Variants in RNF123 observed in about 807,000 individuals in gnomAD.
RNF123 encodes the protein E3 ubiquitin-protein ligase RNF123.
A neutral mutation model predicts 168.5 loss-of-function variants in RNF123; 86 were observed. The ratio of observed to expected loss-of-function variants is 0.51; its 90% CI spans 0.43 to 0.61. The LOEUF is 0.61. RNF123 is among the 20% of genes least tolerant of loss of function. The pLI is 0.00. For missense variants in RNF123, 1,419 were observed against 1,729.7 expected (o/e 0.82, Z 3.19); for synonymous variants, 666 against 689.1 (o/e 0.97, Z 0.52).
At chr3:49,712,699 C>CACACTAGAGACCCCTT in intron 27 of RNF123, 43 bp downstream of exon 27, 1 of 1,606,918 alleles carries the variant, frequency 6.2e-7, no homozygotes, top group Non-Finnish European at 8.5e-7. Context: ...GAAAAGGGGT[C>CACACTAGAGACCCCTT]TCTAGTGTGA....
intron 26 of RNF123, 94 bp from the exon 27 acceptor site, chr3:49,712,385 G>C: frequency 8.2e-7 from 1 of 1,221,088 alleles, no homozygotes; most frequent in East Asian, 2.4e-5. Flanking sequence ...TGCTGTCGTA[G>C]GCCTGGGGAG....
At chr3:49,716,695 G>A (rs1285497156) in intron 35 of RNF123, 4 of 513,374 alleles carry the variant, frequency 7.8e-6, no homozygotes, top group Non-Finnish European at 1.4e-5. Flanking sequence ...AGGACAGGTG[G>A]CCCTGGCCCA....
rs1404285186 is a variant in RNF123 at position 49,721,411 on chromosome 3, C to A, written c.*106C>A. 7.0e-7 allele frequency: 1 copy of A among 1,423,200 alleles called. No homozygotes were observed. The highest frequency in any genetic ancestry group is 2.3e-5 in the East Asian group (1 of 44,020). 88.2% of individuals were successfully genotyped at this position (1,423,200 alleles called of 1,614,324 possible). A position where few individuals can be genotyped will look rare whatever the true frequency, so the allele number is the denominator to read the frequency against. On this transcript the variant is annotated 3_prime_UTR_variant, in exon 39 of 39. Transcript: ENST00000327697. ...CCTTCTCCTGTATCCCACACCACCA[C>A]ATCCAACCTCCTTGCCTGCCTGTAT...
chr3:49,700,571 G>T lies in RNF123; in HGVS notation c.1203+7G>T. Reference sequence around the variant, plus strand: ...CCCAGACCTGGGCCTACAGGTGGGAGCCCCTACCCCTGCCCTGAGCCCCCT... The same window carrying T: ...CCCAGACCTGGGCCTACAGGTGGGATCCCCTACCCCTGCCCTGAGCCCCCT... On this transcript the variant is annotated splice_region_variant and intron_variant, in intron 14 of 38. Coordinates refer to ENST00000327697, the MANE Select transcript of RNF123 (RefSeq NM_022064.5). 1 of 1,614,174 alleles carries T rather than the reference G, an allele frequency of 6.2e-7. No individual in the cohort carries two copies.
Position 49,705,432 on chromosome 3 carries a change from T to G in RNF123, c.2159-102T>G, listed in dbSNP as rs1575530103. On this transcript the variant is annotated intron_variant, in intron 23 of 38. Transcript: ENST00000327697. The stretch of plus-strand genomic sequence containing the variant: ...CATGGGCTCCCCGCGGGTCCCTCCT[T>G]GGGCACAGGAATGGGAGAGATGATT... 2.7e-6 allele frequency: 4 copies of G among 1,492,680 alleles called. No individual in the cohort carries two copies. The East Asian group carries it at 6.9e-5, about 26-fold the overall frequency. The allele number at this position is 1,492,680 out of a possible 1,614,324, so 92.5% of individuals were successfully genotyped here.
At chr3:49,705,899 G>A in intron 24 of RNF123, 83 bp from the exon 25 acceptor site, 3 of 1,515,252 alleles carry the variant, frequency 2.0e-6, no homozygotes, top group African/African-American at 2.7e-5. Flanking sequence ...GACCTTGGCA[G>A]GGCTGGGGTC....
At chr3:49,716,509 AG>A in intron 35 of RNF123, 32 bp downstream of exon 35, 1 of 1,591,796 alleles carries the variant, frequency 6.3e-7, no homozygotes, top group South Asian at 1.1e-5. Context: ...CCCCTGTGGG[AG>A]TTGGGTGTGT....
chr3:49,694,875 C>T (rs1391735542), intron 3 of RNF123, among the ~76,000 whole-genome samples: 1 of 152,006 alleles, frequency 6.6e-6, no homozygotes, highest in South Asian at 2.1e-4. Context: ...CTGCTGTGGC[C>T]GCCAGGAGAG....
intron 21 of RNF123, among the ~76,000 whole-genome samples, chr3:49,703,840 C>G (rs2054458577): frequency 6.6e-6 from 1 of 152,198 alleles, no homozygotes; most frequent in Admixed American, 6.5e-5. Flanking sequence ...CGGTGCAGGG[C>G]TGAGGGCACA....
At position 49,704,769 on chromosome 3, in the gene RNF123, G is replaced by A. The variant is rs772391045; in HGVS notation, c.1959+13G>A. The stretch of plus-strand genomic sequence containing the variant: ...AGCTATGGCCCAGGTGCCGCAGTGG[G>A]GGCAGGCGGTGGGATTTGTGTTGGG... On this transcript the variant is annotated intron_variant, in intron 22 of 38. Coordinates refer to ENST00000327697, the MANE Select transcript of RNF123 (RefSeq NM_022064.5). 2 of 1,561,352 alleles carry A rather than the reference G, an allele frequency of 1.3e-6. No homozygotes were observed. Among genetic ancestry groups the A allele is most frequent in the South Asian group, 2.3e-5 (2 of 85,328 alleles).
At position 49,702,639 on chromosome 3, in the gene RNF123, C is replaced by T. The variant is rs752457227; in HGVS notation, c.1636C>T (p.Pro546Ser). Residue 546 changes from proline to serine, a missense_variant, in exon 20 of 39, where the codon CCC (proline) becomes TCC (serine). Pro to Ser is a moderately conservative substitution (Grantham distance 74, BLOSUM62 -1). Transcript: ENST00000327697. ...QENASGRGNM[P>S]MLCPPEYMVC... ...TCATGCCTGGTGTCCACAGAACATG[C>T]CCATGCTCTGCCCCCCTGAGTACAT... 134 of 1,614,226 alleles carry T rather than the reference C, an allele frequency of 8.3e-5. 2 individuals carry two copies. In the Middle Eastern group the frequency reaches 5.1e-3, roughly 62 times the overall value.
chr3:49,709,706 T>C (rs913558711), intron 26 of RNF123, among the ~76,000 whole-genome samples: 4 of 151,816 alleles, frequency 2.6e-5, no homozygotes, highest in Admixed American at 2.6e-4. Flanking sequence ...CCCAAAGTGC[T>C]GGGGTTACAG....
intron 3 of RNF123, among the ~76,000 whole-genome samples, chr3:49,692,990 C>T (rs1298621566): frequency 6.6e-6 from 1 of 151,146 alleles, no homozygotes; most frequent in Non-Finnish European, 1.5e-5. Context: ...GGTATATACC[C>T]AGCAGTGGGG....
At chr3:49,712,719 G>A in intron 27 of RNF123, 63 bp downstream of exon 27, 2 of 1,573,156 alleles carry the variant, frequency 1.3e-6, no homozygotes, top group South Asian at 1.1e-5. Context: ...AGCCCTAGGA[G>A]CCCTGGTCTG....
chr3:49,718,642 G>A (rs981059388), intron 35 of RNF123: 1 of 1,612,998 alleles, frequency 6.2e-7, no homozygotes, highest in East Asian at 2.2e-5. Context: ...AGCTGGGGCC[G>A]ACGAGCAGTT....
At chr3:49,719,516 C>G (rs2080340161) in intron 35 of RNF123, 10 of 1,436,816 alleles carry the variant, frequency 7.0e-6, no homozygotes, top group Non-Finnish European at 9.6e-6. Context: ...GGTTGCAGTT[C>G]CAGGACTCAC....
intron 19 of RNF123, 90 bp downstream of exon 19, chr3:49,702,495 A>T (rs1216945758): frequency 2.5e-6 from 4 of 1,600,194 alleles, no homozygotes; most frequent in Non-Finnish European, 3.4e-6. Flanking sequence ...GGACTGCCTC[A>T]TCCCTGCCTA....
In RNF123 at chr3:49,702,098, A is replaced by T; in HGVS notation, c.1511A>T (p.Gln504Leu). 1 of 1,614,058 alleles carries T rather than the reference A, an allele frequency of 6.2e-7. No homozygotes were observed. The highest frequency in any genetic ancestry group is 8.5e-7 in the Non-Finnish European group (1 of 1,179,948). The change falls in exon 18 of 39, where the codon CAG becomes CTG. Residue 504 changes from glutamine (Q) to leucine (L), a missense_variant. Coordinates refer to ENST00000327697, the MANE Select transcript of RNF123 (RefSeq NM_022064.5). Reference protein sequence around the residue: ...RKRIEVVEELQVQILKLLLDN... With the variant: ...RKRIEVVEELLVQILKLLLDN... ...TGACCTCCAGTGGTGGAAGAACTAC[A>T]GGTCCAGATCCTGAAGCTGCTGCTG...
intron 20 of RNF123, 120 bp from the exon 21 acceptor site, chr3:49,703,307 G>A: frequency 1.4e-6 from 1 of 732,226 alleles, no homozygotes. Flanking sequence ...CTGCCTGGAT[G>A]GGTGAGTGGC....
Sources: gnomAD v4.1 joint callset for allele counts (sites outside exome capture counted in the v4.1 genomes callset) on GRCh38, gnomAD v4.1.1 for gene constraint, MANE v1.5 for transcripts, NCBI Gene and HGNC (gene_info 2026-07-23, HGNC 2026-07-21) for gene names.